GLRA1: variants seen among roughly 807,000 people sequenced by gnomAD.
GLRA1 encodes the protein glycine receptor alpha 1.
A neutral mutation model predicts 48.3 loss-of-function variants in GLRA1; 37 were observed. The observed-to-expected ratio is 0.77, with a 90% CI of 0.59 to 1.01. The LOEUF is 1.01. Ranked by LOEUF, GLRA1 falls within the 50% of genes least tolerant of loss-of-function variation. The pLI is 0.00. For synonymous variants in GLRA1, 196 were observed against 210.7 expected, an observed-to-expected ratio of 0.93 and a Z score of 0.60; for missense variants, 427 against 571.0, an observed-to-expected ratio of 0.75 and a Z score of 2.57.
intron 3 of GLRA1, among the ~76,000 whole-genome samples, chr5:151,871,939 A>G (rs908663115): frequency 1.3e-5 from 2 of 149,810 alleles, no homozygotes; most frequent in Non-Finnish European, 2.9e-5. Context: ...GAAAGCGTTA[A>G]GAAAAACTTG....
At chr5:151,907,701 A>T (rs945851844) in intron 1 of GLRA1, among the ~76,000 whole-genome samples, 1 of 152,236 alleles carries the variant, frequency 6.6e-6, no homozygotes, top group Non-Finnish European at 1.5e-5. Flanking sequence ...TGGCCCAGAC[A>T]GTTGTGAAAA....
At chr5:151,882,659 T>C (rs1476649657) in intron 3 of GLRA1, among the ~76,000 whole-genome samples, 1 of 152,110 alleles carries the variant, frequency 6.6e-6, no homozygotes. Flanking sequence ...CAAGTGACCT[T>C]ACCATTCTAA....
chr5:151,834,433 C>A (rs1173201618), intron 7 of GLRA1, among the ~76,000 whole-genome samples: 2 of 152,126 alleles, frequency 1.3e-5, no homozygotes, highest in Admixed American at 1.3e-4. Context: ...CCAATGATAA[C>A]AAAGACACAA....
At chr5:151,903,250 A>G (rs957452869) in intron 1 of GLRA1, among the ~76,000 whole-genome samples, 11 of 152,216 alleles carry the variant, frequency 7.2e-5, no homozygotes, top group African/African-American at 2.7e-4. Context: ...CTCAGTAGGC[A>G]CTGAGGAAGA....
intron 7 of GLRA1, among the ~76,000 whole-genome samples, chr5:151,842,969 C>G (rs1175988518): frequency 6.6e-6 from 1 of 152,084 alleles, no homozygotes; most frequent in Non-Finnish European, 1.5e-5. Flanking sequence ...AAAAATTAAA[C>G]TTAAAAACAA....
rs1024070441 is a variant in GLRA1, at chr5:151,850,435, C to A, written c.912+955G>T. 26 of 1,149,692 alleles carry A rather than the reference C, an allele frequency of 2.3e-5. No homozygotes were observed. The Admixed American group carries it at 3.5e-4, about 16-fold the overall frequency. 71.2% of individuals were successfully genotyped at this position (1,149,692 alleles called of 1,614,324 possible). ...AACAGGAAGTGTTCAGGCTGCCATA[C>A]CAACTTCAGCACCAAGGCCATGTGG... is the stretch of plus-strand genomic sequence containing the variant. On this transcript the variant is annotated intron_variant, in intron 7 of 8. Transcript: ENST00000274576.
intron 1 of GLRA1, among the ~76,000 whole-genome samples, chr5:151,901,109 G>C (rs1167990565): frequency 2.0e-5 from 3 of 152,176 alleles, no homozygotes; most frequent in African/African-American, 4.8e-5. Context: ...AGAAAAATAA[G>C]AGAAAAAGTC....
At chr5:151,917,048 T>C (rs58018626) in intron 1 of GLRA1, among the ~76,000 whole-genome samples, 2,477 of 152,304 alleles carry the variant, frequency 0.016, 90 homozygotes, top group African/African-American at 0.057. Flanking sequence ...TTGGGGATTA[T>C]CTATGGCTTT....
At chr5:151,904,474 C>T (rs1464841663) in intron 1 of GLRA1, among the ~76,000 whole-genome samples, 3 of 152,190 alleles carry the variant, frequency 2.0e-5, no homozygotes, top group Non-Finnish European at 4.4e-5. Flanking sequence ...CTTTACTACA[C>T]GTAACCACCA....
chr5:151,823,251 A>G (rs187014697), intron 8 of GLRA1, among the ~76,000 whole-genome samples: 215 of 152,306 alleles, frequency 1.4e-3, no homozygotes, highest in Middle Eastern at 0.01. Flanking sequence ...TTGTATGACC[A>G]TAGGCAAGTA....
chr5:151,851,693 T>A lies in GLRA1; in HGVS notation c.698-89A>T, dbSNP rs542768882. On this transcript the variant is annotated intron_variant, in intron 6 of 8. Coordinates refer to ENST00000274576, the MANE Select transcript of GLRA1 (RefSeq NM_000171.4). ...AGAACAACCTCGGCTAGAGTCCTGGTTCAGTCTCACACTACCTGTGTCCTT... is the reference window on the plus strand; with the variant it reads ...AGAACAACCTCGGCTAGAGTCCTGGATCAGTCTCACACTACCTGTGTCCTT... 1.1e-4 allele frequency: 94 copies of A among 846,514 alleles called. 1 individual carries two copies. In the South Asian group the frequency reaches 1.2e-3, roughly 11 times the overall value. 52.4% of individuals were successfully genotyped at this position (846,514 alleles called of 1,614,324 possible). A position where few individuals can be genotyped will look rare whatever the true frequency, so the allele number is the denominator to read the frequency against.
At chr5:151,855,373 C>T (rs1427765916) in intron 5 of GLRA1, among the ~76,000 whole-genome samples, 196 bp from the exon 6 acceptor site, 1 of 152,156 alleles carries the variant, frequency 6.6e-6, no homozygotes, top group Non-Finnish European at 1.5e-5. Flanking sequence ...GCCCTTCCAC[C>T]TCTCTTCCCA....
intron 3 of GLRA1, among the ~76,000 whole-genome samples, chr5:151,867,739 T>A (rs1292865083): frequency 6.6e-6 from 1 of 152,218 alleles, no homozygotes; most frequent in Non-Finnish European, 1.5e-5. Context: ...GGGCTGGTGT[T>A]CAAACCTGGT....
At chr5:151,913,345 G>A (rs181760896) in intron 1 of GLRA1, among the ~76,000 whole-genome samples, 1 of 152,270 alleles carries the variant, frequency 6.6e-6, no homozygotes, top group East Asian at 1.9e-4. Context: ...CAGAGTGAGG[G>A]GGAAGTTTTC....
chr5:151,827,631 G>A (rs111368409), intron 8 of GLRA1, among the ~76,000 whole-genome samples: 1 of 152,168 alleles, frequency 6.6e-6, no homozygotes, highest in Non-Finnish European at 1.5e-5. Flanking sequence ...CTTTGTCACA[G>A]CACATTGCGC....
At chr5:151,869,529 C>T (rs1263881350) in intron 3 of GLRA1, among the ~76,000 whole-genome samples, 3 of 151,676 alleles carry the variant, frequency 2.0e-5, no homozygotes, top group African/African-American at 4.9e-5. Flanking sequence ...GCCTGGCCAA[C>T]ATGGCGAAAC....
intron 1 of GLRA1, among the ~76,000 whole-genome samples, chr5:151,904,733 C>T (rs1048336354): frequency 2.6e-5 from 4 of 152,140 alleles, no homozygotes; most frequent in Non-Finnish European, 5.9e-5. Context: ...AGTTGTTGGT[C>T]GTAAGCTTGT....
chr5:151,898,654 A>G (rs989141257), intron 1 of GLRA1, among the ~76,000 whole-genome samples: 1 of 152,144 alleles, frequency 6.6e-6, no homozygotes, highest in African/African-American at 2.4e-5. Flanking sequence ...AGAGGGACTA[A>G]GAGGCTGAGA....
chr5:151,855,137 T>A lies in GLRA1; in HGVS notation c.600A>T (p.Glu200Asp), dbSNP rs1192986592. The change falls in exon 6 of 9, where the codon GAA becomes GAT. Residue 200 changes from glutamate to aspartate, a missense_variant. Glu to Asp is a conservative substitution (Grantham distance 45). Coordinates refer to ENST00000274576, the MANE Select transcript of GLRA1 (RefSeq NM_000171.4). ...CATCTGCTACCTGCACGGCTCCCTG[T>A]TCCTGCCACTCAAAGATGAGGTCAT... ...TMNDLIFEWQ[E>D]QGAVQVADGL... 1 of 1,614,032 alleles carries A rather than the reference T, an allele frequency of 6.2e-7. No homozygotes were observed. The highest frequency in any genetic ancestry group is 1.7e-5 in the Admixed American group (1 of 60,014).
Sources: gnomAD v4.1 joint callset for allele counts (sites outside exome capture counted in the v4.1 genomes callset) on GRCh38, gnomAD v4.1.1 for gene constraint, MANE v1.5 for transcripts, NCBI Gene and HGNC (gene_info 2026-07-23, HGNC 2026-07-21) for gene names.